PAN3: variants seen among roughly 807,000 people sequenced by gnomAD.
The protein encoded by PAN3 is PAN2-PAN3 deadenylation complex subunit PAN3.
Under a neutral mutation model 96.2 loss-of-function variants are expected in PAN3, and 19 were observed. The observed-to-expected ratio is 0.20, with a 90% confidence interval of 0.14 to 0.29. The LOEUF (loss-of-function observed/expected upper bound fraction) is 0.29, where lower values mean the gene tolerates loss of function less well. PAN3 is among the 10% of genes least tolerant of loss of function. The pLI, the probability that PAN3 is intolerant of heterozygous loss-of-function variation, is 1.00. For missense variants in PAN3, 882 were observed against 1,108.1 expected (o/e 0.80, Z 2.90); for synonymous variants, 433 against 406.6 (o/e 1.06, Z -0.78).
At chr13:28,249,888 GC>G (rs1484415918) in intron 6 of PAN3, among the ~76,000 whole-genome samples, 1 of 152,092 alleles carries the variant, frequency 6.6e-6, no homozygotes, top group African/African-American at 2.4e-5. Context: ...TACATTCCAT[GC>G]CTTTTAAGAG....
chr13:28,153,177 G>A (rs1871603069), intron 1 of PAN3, among the ~76,000 whole-genome samples: 2 of 150,016 alleles, frequency 1.3e-5, no homozygotes, highest in African/African-American at 4.9e-5. Context: ...CAGACAAGAT[G>A]CTTAAAATAT....
chr13:28,159,109 A>T (rs1171083949), intron 1 of PAN3, among the ~76,000 whole-genome samples: 1 of 152,208 alleles, frequency 6.6e-6, no homozygotes, highest in Non-Finnish European at 1.5e-5. Flanking sequence ...TTTTAGGTGT[A>T]TACCCAAAGG....
At chr13:28,288,157 C>T in intron 18 of PAN3, 35 bp downstream of exon 18, 1 of 1,551,994 alleles carries the variant, frequency 6.4e-7, no homozygotes, top group Non-Finnish European at 8.8e-7. Context: ...GATCATAATT[C>T]TGCCTATAAT....
At chr13:28,159,325 A>G (rs1346416871) in intron 1 of PAN3, among the ~76,000 whole-genome samples, 1 of 152,242 alleles carries the variant, frequency 6.6e-6, no homozygotes, top group African/African-American at 2.4e-5. Context: ...GCTGGAGGTC[A>G]TTATCCTAGA....
At chr13:28,198,577 A>G (rs543832177) in intron 5 of PAN3, among the ~76,000 whole-genome samples, 1 of 152,352 alleles carries the variant, frequency 6.6e-6, no homozygotes, top group South Asian at 2.1e-4. Flanking sequence ...TGAAGTACCA[A>G]CAAAAAAATT....
intron 1 of PAN3, among the ~76,000 whole-genome samples, chr13:28,146,747 G>A (rs1374428396): frequency 6.6e-6 from 1 of 152,142 alleles, no homozygotes. Flanking sequence ...GGAGGCCAAG[G>A]CAGGCGGATC....
chr13:28,138,429 G>C (rs1869062581), upstream of PAN3: 1 of 298,016 alleles, frequency 3.4e-6, no homozygotes, highest in African/African-American at 2.3e-5. Flanking sequence ...GAACGAGAGA[G>C]TGAGTGAGAG....
At chr13:28,245,391 CTT>C (rs541516738) in intron 6 of PAN3, among the ~76,000 whole-genome samples, 3 of 144,268 alleles carry the variant, frequency 2.1e-5, no homozygotes, top group Admixed American at 1.4e-4. Context: ...AAGTGGGTTC[CTT>C]TTTTTTTTTA....
intron 5 of PAN3, among the ~76,000 whole-genome samples, chr13:28,198,784 A>ATAT (rs1283682174): frequency 6.6e-6 from 1 of 152,240 alleles, no homozygotes; most frequent in African/African-American, 2.4e-5. Context: ...GAAAAGATAT[A>ATAT]ACAAAGGTAA....
chr13:28,184,466 C>A (rs78848127), intron 4 of PAN3, among the ~76,000 whole-genome samples: 1,553 of 152,044 alleles, frequency 0.01, 23 homozygotes, highest in African/African-American at 0.035. Context: ...GAAAAATAGG[C>A]CACTGGTAAT....
intron 1 of PAN3, among the ~76,000 whole-genome samples, chr13:28,150,913 C>T (rs1244909219): frequency 6.6e-6 from 1 of 151,904 alleles, no homozygotes; most frequent in Non-Finnish European, 1.5e-5. Flanking sequence ...AAATATAACC[C>T]CAGTAATTGT....
At chr13:28,141,378 A>AT (rs1483021831) in intron 1 of PAN3, among the ~76,000 whole-genome samples, 4 of 151,232 alleles carry the variant, frequency 2.6e-5, no homozygotes, top group African/African-American at 9.7e-5. Context: ...TTTAAAAAAA[A>AT]CTTTTAAAGT....
At chr13:28,249,513 A>G (rs1884515765) in intron 6 of PAN3, among the ~76,000 whole-genome samples, 1 of 151,822 alleles carries the variant, frequency 6.6e-6, no homozygotes, top group South Asian at 2.1e-4. Flanking sequence ...CAGTGGCGTG[A>G]CCTCGGCTCA....
chr13:28,148,967 ATATT>A (rs1256632408), intron 1 of PAN3, among the ~76,000 whole-genome samples: 6 of 152,152 alleles, frequency 3.9e-5, no homozygotes, highest in Admixed American at 2.6e-4. Context: ...TGTACTATGT[ATATT>A]TATTTACATA....
intron 4 of PAN3, among the ~76,000 whole-genome samples, chr13:28,192,407 T>C (rs1877410853): frequency 6.6e-6 from 1 of 152,222 alleles, no homozygotes; most frequent in Admixed American, 6.5e-5. Flanking sequence ...CATCTTTTGT[T>C]CTCAAACTTC....
At chr13:28,208,229 C>T (rs1435621129) in intron 5 of PAN3, among the ~76,000 whole-genome samples, 1 of 152,072 alleles carries the variant, frequency 6.6e-6, no homozygotes, top group Non-Finnish European at 1.5e-5. Flanking sequence ...ATAGGTTTTA[C>T]TGTTATATGG....
At position 28,263,557 on chromosome 13, in the gene PAN3, C is replaced by G. The variant is rs1304686635; in HGVS notation, c.1411+2099C>G. Among the ~76,000 whole-genome samples the G allele has an allele frequency of 4.6e-5, 7 of 152,176 alleles. No individual in the cohort carries two copies. In the East Asian group the frequency reaches 1.3e-3, roughly 29 times the overall value. On this transcript the variant is annotated intron_variant, in intron 9 of 18. Transcript: ENST00000380958. ...TGTTGCTGAGGCTGGTCTTGAACTTCTGGACTCAAGTGATCCACCTGCCTC... is the reference window on the plus strand; with the variant it reads ...TGTTGCTGAGGCTGGTCTTGAACTTGTGGACTCAAGTGATCCACCTGCCTC...
chr13:28,281,262 A>G, intron 16 of PAN3, 53 bp from the exon 17 acceptor site: 2 of 1,489,384 alleles, frequency 1.3e-6, no homozygotes, highest in Middle Eastern at 1.8e-4. Context: ...TTTGGCTTTT[A>G]TGTTCAGTTA....
At chr13:28,235,513 G>A (rs959133661) in intron 6 of PAN3, among the ~76,000 whole-genome samples, 3 of 151,930 alleles carry the variant, frequency 2.0e-5, no homozygotes. Context: ...TTGCCTGGAA[G>A]GCTCTCCTAT....
Sources: gnomAD v4.1 joint callset for allele counts (sites outside exome capture counted in the v4.1 genomes callset) on GRCh38, gnomAD v4.1.1 for gene constraint, MANE v1.5 for transcripts, NCBI Gene and HGNC (gene_info 2026-07-23, HGNC 2026-07-21) for gene names.